TMEM117: variants seen among roughly 807,000 people sequenced by gnomAD.
The protein encoded by TMEM117 is transmembrane protein 117.
In TMEM117, 27 loss-of-function variants were observed where a neutral mutation model predicts 52.4. That is an observed-to-expected ratio of 0.51 (90% confidence interval 0.38 to 0.71). The LOEUF (loss-of-function observed/expected upper bound fraction) is 0.71. Among genes scored for constraint, TMEM117 ranks in the 30% least tolerant of loss-of-function variants. TMEM117 has a pLI of 0.00. For missense variants in TMEM117, 556 were observed against 630.5 expected (o/e 0.88, Z 1.26); for synonymous variants, 215 against 206.3 (o/e 1.04, Z -0.36).
intron 6 of TMEM117, among the ~76,000 whole-genome samples, chr12:44,335,497 C>T (rs1951329020): frequency 6.6e-6 from 1 of 151,950 alleles, no homozygotes; most frequent in Non-Finnish European, 1.5e-5. Flanking sequence ...GAAGTACATG[C>T]TCAGAGAGGT....
chr12:43,847,276 A>G (rs1329086188), intron 2 of TMEM117, among the ~76,000 whole-genome samples: 3 of 152,224 alleles, frequency 2.0e-5, no homozygotes, highest in African/African-American at 7.2e-5. Context: ...ACAAGAGGAG[A>G]GACCCTGGTT....
intron 4 of TMEM117, among the ~76,000 whole-genome samples, chr12:44,143,855 C>A (rs1366703394): frequency 6.6e-6 from 1 of 152,112 alleles, no homozygotes; most frequent in Admixed American, 6.5e-5. Context: ...ATCTGTCGAT[C>A]GATCTATCTA....
the TMEM117 span, among the ~76,000 whole-genome samples, chr12:44,396,582 G>T: frequency 6.6e-6 from 1 of 152,064 alleles, no homozygotes; most frequent in Non-Finnish European, 1.5e-5. Context: ...GGCCGGGTGC[G>T]GTGGCTCAAG....
the TMEM117 span, among the ~76,000 whole-genome samples, chr12:43,812,638 C>T: frequency 6.6e-6 from 1 of 152,074 alleles, no homozygotes; most frequent in African/African-American, 2.4e-5. Flanking sequence ...CCACACTAGC[C>T]CTTGCACTTG....
chr12:44,126,631 A>G (rs944138187), intron 3 of TMEM117, among the ~76,000 whole-genome samples: 1 of 152,208 alleles, frequency 6.6e-6, no homozygotes, highest in African/African-American at 2.4e-5. Context: ...ATGACTGTTT[A>G]GTACACAGTG....
chr12:44,398,882 A>G, the TMEM117 span, among the ~76,000 whole-genome samples: 1 of 152,234 alleles, frequency 6.6e-6, no homozygotes, highest in African/African-American at 2.4e-5. Context: ...TATTTGTGTC[A>G]TTATGAGTTT....
At chr12:43,981,864 A>T (rs945133182) in intron 3 of TMEM117, among the ~76,000 whole-genome samples, 1 of 152,078 alleles carries the variant, frequency 6.6e-6, no homozygotes, top group Non-Finnish European at 1.5e-5. Context: ...GGTGAGGGGG[A>T]GGAGAGAATG....
the TMEM117 span, chr12:43,805,920 T>C: frequency 6.6e-7 from 1 of 1,508,144 alleles, no homozygotes; most frequent in Middle Eastern, 1.8e-4. Flanking sequence ...TGGGCGACTG[T>C]CGGGGACGGT....
chr12:44,392,110 A>G (rs971738596), downstream of TMEM117, among the ~76,000 whole-genome samples: 1 of 152,192 alleles, frequency 6.6e-6, no homozygotes, highest in Non-Finnish European at 1.5e-5. Flanking sequence ...AACAGAGTCA[A>G]GCTCAGAAAC....
chr12:44,345,140 G>T (rs1951468082), intron 6 of TMEM117, among the ~76,000 whole-genome samples: 1 of 152,068 alleles, frequency 6.6e-6, no homozygotes, highest in African/African-American at 2.4e-5. Flanking sequence ...AGAAGGAGTA[G>T]GGCTCCTTTG....
intron 3 of TMEM117, among the ~76,000 whole-genome samples, chr12:43,990,474 TAAAG>T (rs386762616): frequency 6.0e-4 from 91 of 152,332 alleles, no homozygotes; most frequent in African/African-American, 2.2e-3. Flanking sequence ...AGGGCATTTA[TAAAG>T]TGATCTTGTA....
intron 2 of TMEM117, among the ~76,000 whole-genome samples, chr12:43,892,145 A>T (rs1166385155): frequency 6.6e-6 from 1 of 152,168 alleles, no homozygotes; most frequent in Admixed American, 6.5e-5. Context: ...CATGGCTGGG[A>T]TTTATTATGG....
At chr12:44,164,300 A>C (rs1948936041) in intron 4 of TMEM117, among the ~76,000 whole-genome samples, 1 of 151,982 alleles carries the variant, frequency 6.6e-6, no homozygotes, top group African/African-American at 2.4e-5. Flanking sequence ...ATTTTGGTGC[A>C]CCCATCACCC....
the TMEM117 span, among the ~76,000 whole-genome samples, chr12:44,397,644 C>A: frequency 6.6e-6 from 1 of 152,192 alleles, no homozygotes; most frequent in Non-Finnish European, 1.5e-5. Flanking sequence ...TTATTCCTCC[C>A]ATTTGAAATA....
chr12:44,141,753 G>A (rs187171122), intron 3 of TMEM117, among the ~76,000 whole-genome samples: 1 of 152,188 alleles, frequency 6.6e-6, no homozygotes, highest in Admixed American at 6.5e-5. Context: ...ACTGAATGGT[G>A]CTACACCAAG....
chr12:44,386,897 A>G (rs1172237279), intron 7 of TMEM117, among the ~76,000 whole-genome samples: 1 of 152,058 alleles, frequency 6.6e-6, no homozygotes, highest in African/African-American at 2.4e-5. Flanking sequence ...TTATGTAGCT[A>G]GATATTTTGT....
At chr12:44,188,490 G>A (rs112242866) in intron 4 of TMEM117, among the ~76,000 whole-genome samples, 3 of 152,272 alleles carry the variant, frequency 2.0e-5, no homozygotes, top group African/African-American at 7.2e-5. Flanking sequence ...GAGCAAAGGA[G>A]GTTCTTGTCA....
At chr12:43,891,265 C>A (rs139262318) in intron 2 of TMEM117, among the ~76,000 whole-genome samples, 86 of 151,820 alleles carry the variant, frequency 5.7e-4, no homozygotes, top group Non-Finnish European at 1.1e-3. Context: ...ACAAAACACA[C>A]AGAAGTACCT....
intron 2 of TMEM117, among the ~76,000 whole-genome samples, chr12:43,902,730 T>C (rs1179163819): frequency 6.6e-6 from 1 of 152,166 alleles, no homozygotes; most frequent in African/African-American, 2.4e-5. Flanking sequence ...ATTTAACACT[T>C]CCATTTAATG....
Sources: allele counts gnomAD v4.1 joint callset (sites outside exome capture counted in the v4.1 genomes callset), GRCh38; gene constraint gnomAD v4.1.1; transcripts MANE v1.5; gene names NCBI Gene and HGNC (gene_info 2026-07-23, HGNC 2026-07-21).